LCMT1: variants seen among roughly 807,000 people sequenced by gnomAD.
LCMT1 encodes the protein leucine carboxyl methyltransferase 1.
A neutral mutation model predicts 47.7 loss-of-function variants in LCMT1; 32 were observed. The ratio of observed to expected loss-of-function variants is 0.67; its 90% CI spans 0.51 to 0.90. The LOEUF is 0.90. LCMT1 is among the 40% of genes least tolerant of loss of function. The pLI, the probability that LCMT1 is intolerant of heterozygous loss-of-function variation, is 0.00. For synonymous variants in LCMT1, 152 were observed against 149.7 expected (o/e 1.02, Z -0.11); for missense variants, 375 against 415.2 (o/e 0.90, Z 0.84).
rs146616872 is a variant in LCMT1, at chr16:25,177,835, A to G, written c.983-166A>G. 4.8e-4 allele frequency among the ~76,000 whole-genome samples: 73 copies of G among 152,298 alleles called. 2 individuals carry two copies. The highest frequency in any genetic ancestry group is 3.4e-3 in the Middle Eastern group (1 of 294). ...ACCACCCATAAACACAGTCTTACCC[A>G]ACCTTTTGTTTCCTTGCGAAACCTC... is the stretch of plus-strand genomic sequence containing the variant. On this transcript the variant is annotated intron_variant, in intron 10 of 10. Transcript: ENST00000399069.
chr16:25,152,850 T>G (rs1315294948), intron 5 of LCMT1, among the ~76,000 whole-genome samples: 1 of 152,228 alleles, frequency 6.6e-6, no homozygotes, highest in Non-Finnish European at 1.5e-5. Context: ...ATTATGACTG[T>G]GTCTTAACAA....
intron 7 of LCMT1, among the ~76,000 whole-genome samples, chr16:25,166,904 G>A (rs11861885): frequency 0.019 from 2,823 of 152,304 alleles, 91 homozygotes; most frequent in African/African-American, 0.064. Flanking sequence ...TTCTTTTGAT[G>A]TGAATAAATC....
chr16:25,158,114 C>T (rs994778700), intron 5 of LCMT1, among the ~76,000 whole-genome samples: 4 of 152,232 alleles, frequency 2.6e-5, no homozygotes, highest in African/African-American at 9.6e-5. Context: ...TTGGACACCA[C>T]CCCTGTGTTC....
At position 25,170,583 on chromosome 16, in the gene LCMT1, T is replaced by A. The variant is rs1018643946; in HGVS notation, c.793-131T>A. ...GGGTCAAGGCTGCAGTGAGCTGTGATCACACCACTGCACTTCAGCCTGGGC... is the reference window on the plus strand; with the variant it reads ...GGGTCAAGGCTGCAGTGAGCTGTGAACACACCACTGCACTTCAGCCTGGGC... On this transcript the variant is annotated intron_variant, in intron 8 of 10. Transcript: ENST00000399069. 5.0e-5 allele frequency: 34 copies of A among 682,848 alleles called. 1 individual carries two copies. Among genetic ancestry groups the A allele is most frequent in the Non-Finnish European group, 8.1e-5 (32 of 395,070 alleles). The allele number at this position is 682,848 out of a possible 1,614,324, so 42.3% of individuals were successfully genotyped here. A position where few individuals can be genotyped will look rare whatever the true frequency, so the allele number is the denominator to read the frequency against.
chr16:25,122,461 A>G (rs1283889390), intron 1 of LCMT1, among the ~76,000 whole-genome samples: 1 of 151,956 alleles, frequency 6.6e-6, no homozygotes, highest in Non-Finnish European at 1.5e-5. Context: ...GGCGTGCACT[A>G]CCATGCCCGG....
At chr16:25,120,333 CCTT>C (rs1162236821) in intron 1 of LCMT1, among the ~76,000 whole-genome samples, 1 of 151,274 alleles carries the variant, frequency 6.6e-6, no homozygotes, top group African/African-American at 2.4e-5. Context: ...AAGTGATTCT[CCTT>C]CTTCAGCCTC....
intron 3 of LCMT1, among the ~76,000 whole-genome samples, chr16:25,135,284 A>AAAAAAAAAAAAAAATATATAT (rs1555482753): frequency 1.4e-5 from 2 of 140,610 alleles, no homozygotes; most frequent in African/African-American, 5.1e-5. Flanking sequence ...TTTCTTTTAA[A>AAAAAAAAAAAAAAATATATAT]ATATATATCT....
chr16:25,117,681 C>T (rs1259317435), intron 1 of LCMT1, among the ~76,000 whole-genome samples: 1 of 152,028 alleles, frequency 6.6e-6, no homozygotes, highest in Non-Finnish European at 1.5e-5. Flanking sequence ...GGTGAAACCC[C>T]ATCTCTACTA....
chr16:25,124,967 G>A (rs904152345), intron 1 of LCMT1, among the ~76,000 whole-genome samples: 27 of 152,158 alleles, frequency 1.8e-4, no homozygotes, highest in Admixed American at 1.5e-3. Flanking sequence ...TTGAACAGGT[G>A]GCATGTGAAT....
chr16:25,163,510 G>A (rs1223045940), intron 6 of LCMT1, among the ~76,000 whole-genome samples: 1 of 149,786 alleles, frequency 6.7e-6, no homozygotes, highest in Non-Finnish European at 1.5e-5. Flanking sequence ...ATGTGTATAT[G>A]TACACATACA....
chr16:25,125,689 A>G (rs974602339), intron 1 of LCMT1, among the ~76,000 whole-genome samples: 4 of 151,726 alleles, frequency 2.6e-5, no homozygotes, highest in Non-Finnish European at 5.9e-5. Context: ...AAAATTAGCC[A>G]GGCGTGGTGG....
chr16:25,153,542 AG>A, intron 5 of LCMT1, among the ~76,000 whole-genome samples: 1 of 151,842 alleles, frequency 6.6e-6, no homozygotes, highest in African/African-American at 2.4e-5. Context: ...CACCTCTTAA[AG>A]GTCCTACCTT....
At chr16:25,154,975 C>T (rs944779669) in intron 5 of LCMT1, among the ~76,000 whole-genome samples, 30 of 152,148 alleles carry the variant, frequency 2.0e-4, no homozygotes, top group Non-Finnish European at 2.6e-4. Flanking sequence ...AAAATTTGGG[C>T]GAACTGATAC....
chr16:25,121,007 C>T lies in LCMT1; in HGVS notation c.114-7468C>T, dbSNP rs189076961. Among the ~76,000 whole-genome samples the T allele has an allele frequency of 6.4e-3, 925 of 143,484 alleles. 12 individuals are homozygous for T. Among genetic ancestry groups the T allele is most frequent in the African/African-American group, 0.023 (878 of 38,538 alleles). The allele number at this position is 143,484 out of a possible 152,430, so 94.1% of individuals were successfully genotyped here. ...ACTCCTGGGCCTCAAGCAATCCTCCCACCTTGGCCTCCCAAAGTGCTAGGA... is the reference window on the plus strand; with the variant it reads ...ACTCCTGGGCCTCAAGCAATCCTCCTACCTTGGCCTCCCAAAGTGCTAGGA... On this transcript the variant is annotated intron_variant, in intron 1 of 10. Transcript: ENST00000399069.
At chr16:25,170,889 CAG>C (rs1173542436) in intron 9 of LCMT1, 84 bp downstream of exon 9, 6 of 893,590 alleles carry the variant, frequency 6.7e-6, no homozygotes, top group Non-Finnish European at 1.1e-5. Context: ...TGCAGAAAAA[CAG>C]AACAATATGT....
In LCMT1 at chr16:25,139,971, C is replaced by G. The variant is rs373053567; in HGVS notation, c.328-200C>G. 31 of 552,820 alleles carry G rather than the reference C, an allele frequency of 5.6e-5. No homozygotes were observed. In the East Asian group the frequency reaches 8.3e-4, roughly 15 times the overall value. The allele number at this position is 552,820 out of a possible 1,614,324, so 34.2% of individuals were successfully genotyped here. A position where few individuals can be genotyped will look rare whatever the true frequency, so the allele number is the denominator to read the frequency against. On this transcript the variant is annotated intron_variant, in intron 3 of 10. Coordinates refer to ENST00000399069, the MANE Select transcript of LCMT1 (RefSeq NM_016309.3). ...CTTACCTGGCTGACTCCTCTGGCTT[C>G]CTGACTTTTTACCTTCATCTGTGCT...
intron 1 of LCMT1, among the ~76,000 whole-genome samples, chr16:25,125,701 G>A (rs957151814): frequency 1.1e-4 from 17 of 151,708 alleles, no homozygotes; most frequent in Admixed American, 3.3e-4. Context: ...GCGTGGTGGC[G>A]GGTGCCTGTA....
At position 25,140,227 on chromosome 16, in the gene LCMT1, G is replaced by A; in HGVS notation, c.384G>A (p.Thr128=). Residue 128 remains threonine, a synonymous_variant, in exon 4 of 11, where the codon ACG becomes ACA. Coordinates refer to ENST00000399069, the MANE Select transcript of LCMT1 (RefSeq NM_016309.3). ...AGGTTGACTTTCCAATGATTGTCAC[G>A]AGAAAGCTGCACAGTATCAAGTAAG... ...YFEVDFPMIV[T]RKLHSIKCKP... is the part of the protein sequence containing the mutation. 6.2e-7 allele frequency: 1 copy of A among 1,603,766 alleles called. No individual in the cohort carries two copies. Among genetic ancestry groups the A allele is most frequent in the Middle Eastern group, 1.7e-4 (1 of 6,050 alleles).
intron 3 of LCMT1, among the ~76,000 whole-genome samples, chr16:25,137,948 C>T (rs1234511777): frequency 3.3e-5 from 5 of 151,520 alleles, no homozygotes; most frequent in East Asian, 1.9e-4. Flanking sequence ...CTCACCCCCC[C>T]GGGATTCATC....
Sources: gnomAD v4.1 joint callset for allele counts (sites outside exome capture counted in the v4.1 genomes callset) on GRCh38, gnomAD v4.1.1 for gene constraint, MANE v1.5 for transcripts, NCBI Gene and HGNC (gene_info 2026-07-23, HGNC 2026-07-21) for gene names.